Variants in WNT8A observed in about 807,000 individuals in gnomAD.
WNT8A encodes protein Wnt-8a.
Under a neutral mutation model 20.5 loss-of-function variants are expected in WNT8A, and 14 were observed. That is an observed-to-expected ratio of 0.68 (90% CI 0.45 to 1.07). The LOEUF is 1.07. Among genes scored for constraint, WNT8A ranks in the 50% least tolerant of loss-of-function variants. The pLI, the probability that WNT8A is intolerant of heterozygous loss-of-function variation, is 0.00. For synonymous variants in WNT8A, 167 were observed against 169.2 expected (o/e 0.99, Z 0.10); for missense variants, 397 against 462.9 (o/e 0.86, Z 1.31).
chr5:138,089,806 T>C (rs1750787342), intron 4 of WNT8A, among the ~76,000 whole-genome samples: 1 of 152,088 alleles, frequency 6.6e-6, no homozygotes, highest in South Asian at 2.1e-4. Context: ...GGACTACAGG[T>C]GCTTGCCACT....
rs373448554 is a variant in WNT8A, at chr5:138,087,894, A to T, written c.384A>T (p.Glu128Asp). The T allele has an allele frequency of 3.4e-5, 55 of 1,614,010 alleles. No homozygotes were observed. The African/African-American group carries it at 7.3e-4, about 22-fold the overall frequency. Reference sequence around the variant, plus strand: ...AGAACTGTAGCATGGGTGACTTCGAAAACTGTGGCTGTGATGGGTCAAACA... The same window carrying T: ...AGAACTGTAGCATGGGTGACTTCGATAACTGTGGCTGTGATGGGTCAAACA... ...ITKNCSMGDF[E>D]NCGCDGSNNG... The change falls in exon 3 of 5, where the codon GAA becomes GAT. Residue 128 changes from glutamate (E) to aspartate (D), a missense_variant. Glu to Asp is a conservative substitution (Grantham distance 45, BLOSUM62 2). Transcript: ENST00000506684.
rs777517896 is a variant in WNT8A, at chr5:138,091,360, G to T, written c.*287G>T. ...CTGTACTTATGCAGCTTTCTACAGG[G>T]AGAGTTTGGTTTGGGGTCTATATCT... On this transcript the variant is annotated 3_prime_UTR_variant, in exon 5 of 5. Transcript: ENST00000506684. 1 of 1,424,616 alleles carries T rather than the reference G, an allele frequency of 7.0e-7. No homozygotes were observed. Among genetic ancestry groups the T allele is most frequent in the South Asian group, 1.1e-5 (1 of 88,698 alleles). The allele number at this position is 1,424,616 out of a possible 1,614,324, so 88.2% of individuals were successfully genotyped here.
At chr5:138,090,259 T>A (rs1750801548) in intron 4 of WNT8A, among the ~76,000 whole-genome samples, 2 of 152,302 alleles carry the variant, frequency 1.3e-5, no homozygotes, top group Non-Finnish European at 2.9e-5. Context: ...GTTTCTGGAC[T>A]CTAGTAACCT....
chr5:138,087,487 T>G (rs1750703380), intron 2 of WNT8A, among the ~76,000 whole-genome samples: 1 of 150,622 alleles, frequency 6.6e-6, no homozygotes, highest in Non-Finnish European at 1.5e-5. Flanking sequence ...ACCCCATCTC[T>G]ACTAGAAATA....
In WNT8A at chr5:138,090,644, G is replaced by T. The variant is rs1258363948; in HGVS notation, c.681G>T (p.Lys227Asn). 1.9e-6 allele frequency: 3 copies of T among 1,614,100 alleles called. No individual in the cohort carries two copies. The African/African-American group carries it at 4.0e-5, about 22-fold the overall frequency. Reference protein sequence around the residue: ...AEFREMGDYLKAKYDQALKIE... With the variant: ...AEFREMGDYLNAKYDQALKIE... ...TCCGGGAGATGGGAGACTACCTAAA[G>T]GCCAAGTATGACCAGGCGCTGAAAA... Residue 227 changes from lysine (K) to asparagine (N), a missense_variant, in exon 5 of 5, where the codon AAG becomes AAT. By Grantham distance (94) the Lys-to-Asn change is moderately conservative (BLOSUM62 0). Transcript: ENST00000506684.
rs746248417 is a variant in WNT8A, at chr5:138,084,669, GTA to G, written c.295+39_295+40del. 20 of 1,570,594 alleles carry G rather than the reference GTA, an allele frequency of 1.3e-5. No homozygotes were observed. The South Asian group carries it at 2.1e-4, about 17-fold the overall frequency. ...TGTGTGGGACTCACCTGTACAAGGG[GTA>G]TATATGTGAATGGAGTGGGGCTTGC... On this transcript the variant is annotated intron_variant, in intron 2 of 4. Transcript: ENST00000506684.
In WNT8A at chr5:138,085,853, C is replaced by CAA. The variant is rs11377173; in HGVS notation, c.295+1238_295+1239dup. 7.3e-3 allele frequency among the ~76,000 whole-genome samples: 542 copies of CAA among 74,188 alleles called. 6 individuals are homozygous for CAA. Among genetic ancestry groups the CAA allele is most frequent in the Middle Eastern group, 0.017 (2 of 120 alleles). The allele number at this position is 74,188 out of a possible 152,430, so 48.7% of individuals were successfully genotyped here. On this transcript the variant is annotated intron_variant, in intron 2 of 4. Transcript: ENST00000506684. ...TGGGTGACAGAGCAAGACCTTGTCT[C>CAA]AAAAAAAAAAAAAAAAAAAAAAGAT...
At chr5:138,089,783 T>C (rs911330310) in intron 4 of WNT8A, among the ~76,000 whole-genome samples, 1 of 152,148 alleles carries the variant, frequency 6.6e-6, no homozygotes, top group Non-Finnish European at 1.5e-5. Flanking sequence ...CACCTCAGCC[T>C]CCTGAGAACC....
rs1750845476 is a variant in WNT8A at position 138,091,238 on chromosome 5, G to A, written c.*165G>A. The A allele has an allele frequency of 1.3e-6, 2 of 1,568,552 alleles. No homozygotes were observed. Among genetic ancestry groups the A allele is most frequent in the Admixed American group, 3.5e-5 (2 of 56,588 alleles). ...GAAAATGGAGGCCCAAGATTCTACA[G>A]CATATTCCTGGCGGGGCTGAAATTG... is the stretch of plus-strand genomic sequence containing the variant. On this transcript the variant is annotated 3_prime_UTR_variant, in exon 5 of 5. Coordinates refer to ENST00000506684, the MANE Select transcript of WNT8A (RefSeq NM_001300939.2).
upstream of WNT8A, among the ~76,000 whole-genome samples, chr5:138,083,126 C>T (rs2079801736): frequency 6.6e-6 from 1 of 151,670 alleles, no homozygotes; most frequent in South Asian, 2.1e-4. Flanking sequence ...ACTAAAAATA[C>T]AAAATTTAGC....
chr5:138,086,369 C>A (rs1750662320), intron 2 of WNT8A, among the ~76,000 whole-genome samples: 1 of 151,992 alleles, frequency 6.6e-6, no homozygotes, highest in South Asian at 2.1e-4. Flanking sequence ...AGGCATGCAC[C>A]CCCATGCCCG....
At chr5:138,091,841 A>C (rs1750867137), downstream of WNT8A, among the ~76,000 whole-genome samples, 1 of 42,904 alleles carries the variant, frequency 2.3e-5, no homozygotes, top group Admixed American at 2.7e-4. Flanking sequence ...ATAAATAAAT[A>C]AATAAATAAA....
intron 2 of WNT8A, among the ~76,000 whole-genome samples, chr5:138,085,460 G>C (rs1245703378): frequency 6.6e-6 from 1 of 152,120 alleles, no homozygotes; most frequent in African/African-American, 2.4e-5. Flanking sequence ...GGGTGTGCAC[G>C]TGCACCCATT....
chr5:138,082,180 G>A (rs4835761), upstream of WNT8A, among the ~76,000 whole-genome samples: 66,614 of 152,054 alleles, frequency 0.44, 15,207 homozygotes, highest in East Asian at 0.61. Flanking sequence ...CCCACCTTTT[G>A]TTCTAGTCCC....
downstream of WNT8A, among the ~76,000 whole-genome samples, chr5:138,091,838 A>ACACTCCAGCCTGGGCAAC (rs71765841): frequency 8.1e-5 from 11 of 136,272 alleles, no homozygotes; most frequent in East Asian, 2.0e-4. Flanking sequence ...AAAATAAATA[A>ACACTCCAGCCTGGGCAAC]ATAAATAAAT....
chr5:138,091,731 T>TGA (rs1277216537), downstream of WNT8A, among the ~76,000 whole-genome samples: 1 of 152,032 alleles, frequency 6.6e-6, no homozygotes, highest in Non-Finnish European at 1.5e-5. Flanking sequence ...GAGGCTGAAG[T>TGA]GAGAGGATCA....
upstream of WNT8A, among the ~76,000 whole-genome samples, chr5:138,079,726 G>C (rs566773814): frequency 6.6e-6 from 1 of 152,250 alleles, no homozygotes; most frequent in Admixed American, 6.5e-5. Flanking sequence ...TTCAGCTCTA[G>C]ATTTCCATTC....
chr5:138,087,844 G>C lies in WNT8A; in HGVS notation c.334G>C (p.Ala112Pro). The part of the protein sequence containing the change: ...ETSFIHAISS[A>P]GVMYIITKNC... ...TTCCTTCATACATGCTATCAGCTCT[G>C]CTGGAGTCATGTACATCATCACCAA... Residue 112 changes from alanine to proline, a missense_variant, in exon 3 of 5, where the codon GCT becomes CCT. Transcript: ENST00000506684. 2 of 1,613,982 alleles carry C rather than the reference G, an allele frequency of 1.2e-6. No homozygotes were observed. The highest frequency in any genetic ancestry group is 1.7e-6 in the Non-Finnish European group (2 of 1,179,938).
chr5:138,077,665 G>A, the WNT8A span, among the ~76,000 whole-genome samples: 1 of 152,168 alleles, frequency 6.6e-6, no homozygotes, highest in East Asian at 1.9e-4. Context: ...TTAAAACAAT[G>A]AGGGAATAAA....
Sources: gnomAD v4.1 joint callset for allele counts (sites outside exome capture counted in the v4.1 genomes callset) on GRCh38, gnomAD v4.1.1 for gene constraint, MANE v1.5 for transcripts, NCBI Gene and HGNC (gene_info 2026-07-23, HGNC 2026-07-21) for gene names.